The following MANSC1 variants were observed in gnomAD, a reference collection of about 807,000 sequenced individuals.
MANSC1 encodes MANSC domain containing 1, also known as MANSC domain-containing protein 1.
Under a neutral mutation model 14.1 loss-of-function variants are expected in MANSC1, and 13 were observed. The ratio of observed to expected loss-of-function variants is 0.92; its 90% confidence interval spans 0.60 to 1.46. The LOEUF is 1.46. Among genes scored for constraint, MANSC1 ranks in the 40% most tolerant of loss-of-function variants. MANSC1 has a pLI of 0.00. For synonymous variants in MANSC1, 227 were observed against 200.7 expected (o/e 1.13, Z -1.11); for missense variants, 486 against 511.4 (o/e 0.95, Z 0.48).
rs1470851621 is a variant in MANSC1 at position 12,330,001 on chromosome 12, GAATT to G, written c.*22_*25del. On this transcript the variant is annotated 3_prime_UTR_variant, in exon 4 of 4. Coordinates refer to ENST00000535902, the MANE Select transcript of MANSC1 (RefSeq NM_018050.4). ...GCATTTGGGCTTCTGGTTACTAAAT[GAATT>G]AAGAGACACCGAGTTCCATCCTTAG... 6.3e-7 allele frequency: 1 copy of G among 1,588,954 alleles called. No individual in the cohort carries two copies. Among genetic ancestry groups the G allele is most frequent in the East Asian group, 2.2e-5 (1 of 44,674 alleles).
At chr12:12,341,450 G>C (rs532278100) in intron 2 of MANSC1, among the ~76,000 whole-genome samples, 1 of 152,232 alleles carries the variant, frequency 6.6e-6, no homozygotes, top group East Asian at 1.9e-4. Context: ...GATTGATTAA[G>C]TCATGGGCCA....
intron 1 of MANSC1, among the ~76,000 whole-genome samples, chr12:12,349,281 C>G (rs1284230643): frequency 6.6e-6 from 1 of 152,162 alleles, no homozygotes; most frequent in East Asian, 1.9e-4. Context: ...TTGCAAGCCT[C>G]TAGGGAATCA....
intron 2 of MANSC1, among the ~76,000 whole-genome samples, chr12:12,340,945 T>G (rs995458673): frequency 7.2e-5 from 11 of 152,228 alleles, no homozygotes; most frequent in Middle Eastern, 3.4e-3. Context: ...ATCGAAGGGA[T>G]TTTTCCTCCT....
At position 12,338,893 on chromosome 12, in the gene MANSC1, A is replaced by ACACT. The variant is rs1393681527; in HGVS notation, c.224-334_224-333insAGTG. ...CATCCACAACCACACACACACAAAC[A>ACACT]CACACACACACACACACACACACAC... On this transcript the variant is annotated intron_variant, in intron 2 of 3. Transcript: ENST00000535902. 5.6e-3 allele frequency: 1,397 copies of ACACT among 248,156 alleles called. 21 individuals are homozygous for ACACT. Among genetic ancestry groups the ACACT allele is most frequent in the African/African-American group, 0.034 (1,288 of 37,872 alleles). The allele number at this position is 248,156 out of a possible 1,614,324, so 15.4% of individuals were successfully genotyped here.
At position 12,330,699 on chromosome 12, in the gene MANSC1, T is replaced by C. The variant is rs774996055; in HGVS notation, c.624A>G (p.Gln208=). Residue 208 remains glutamine, a synonymous_variant, in exon 4 of 4, where the codon CAA becomes CAG. Coordinates refer to ENST00000535902, the MANE Select transcript of MANSC1 (RefSeq NM_018050.4). ...YKEKGHSQSS[Q]FSSDQEIAHL... ...GAGCTATTTCTTGATCAGAGGAAAA[T>C]TGTGAACTCTGAGAATGGCCTTTTT... is the stretch of plus-strand genomic sequence containing the variant. 4.3e-6 allele frequency: 7 copies of C among 1,614,092 alleles called. No individual in the cohort carries two copies. The East Asian group carries it at 8.9e-5, about 21-fold the overall frequency.
intron 3 of MANSC1, among the ~76,000 whole-genome samples, chr12:12,337,018 C>T (rs1862866508): frequency 6.6e-6 from 1 of 152,068 alleles, no homozygotes. Flanking sequence ...CGCCTGTAAT[C>T]CCAGCACTTT....
chr12:12,348,503 C>T (rs748103077), intron 1 of MANSC1, among the ~76,000 whole-genome samples: 8 of 152,036 alleles, frequency 5.3e-5, no homozygotes, highest in South Asian at 2.1e-4. Flanking sequence ...CAAACTACAG[C>T]GGCAGTAAGA....
At chr12:12,335,854 A>AAAAAT (rs1862852460) in intron 3 of MANSC1, among the ~76,000 whole-genome samples, 1 of 147,988 alleles carries the variant, frequency 6.8e-6, no homozygotes, top group Non-Finnish European at 1.5e-5. Flanking sequence ...AAAAAAAAAT[A>AAAAAT]AAAATAAAAC....
intron 1 of MANSC1, among the ~76,000 whole-genome samples, chr12:12,349,788 T>A (rs1863054078): frequency 6.6e-6 from 1 of 152,232 alleles, no homozygotes; most frequent in Non-Finnish European, 1.5e-5. Context: ...TCTCTTCCTT[T>A]GAGGAAATGC....
At position 12,343,186 on chromosome 12, in the gene MANSC1, T is replaced by A; in HGVS notation, c.129A>T (p.Ser43=). 1.2e-6 allele frequency: 2 copies of A among 1,613,844 alleles called. No homozygotes were observed. Among genetic ancestry groups the A allele is most frequent in the Non-Finnish European group, 8.5e-7 (1 of 1,179,662 alleles). ...TGCCTCTGATTCCCTTAGAAAGAGA[T>A]GACTGGATGTCAATGACAACATCTT... ...SLEDVVIDIQ[S]SLSKGIRGNE... Residue 43 remains serine, a synonymous_variant, in exon 2 of 4, where the codon TCA becomes TCT. Transcript: ENST00000535902.
intron 1 of MANSC1, among the ~76,000 whole-genome samples, chr12:12,345,690 A>G (rs1863001215): frequency 6.6e-6 from 1 of 152,194 alleles, no homozygotes; most frequent in Non-Finnish European, 1.5e-5. Flanking sequence ...GTTGAATACA[A>G]ATTGTTTGCT....
rs767042744 is a variant in MANSC1, at chr12:12,330,400, T to G, written c.923A>C (p.Gln308Pro). 1 of 1,614,202 alleles carries G rather than the reference T, an allele frequency of 6.2e-7. No homozygotes were observed. The highest frequency in any genetic ancestry group is 1.1e-5 in the South Asian group (1 of 91,084). Reference protein sequence around the residue: ...ATTAVLTTTFQAPTDSKGSLE... With the variant: ...ATTAVLTTTFPAPTDSKGSLE... ...GCTGCCTTTCGAGTCCGTAGGTGCCTGAAAGGTGGTAGTCAGAACTGCTGT... is the reference window on the plus strand; with the variant it reads ...GCTGCCTTTCGAGTCCGTAGGTGCCGGAAAGGTGGTAGTCAGAACTGCTGT... Residue 308 changes from glutamine to proline, a missense_variant, in exon 4 of 4, where the codon CAG becomes CCG. Transcript: ENST00000535902.
intron 2 of MANSC1, among the ~76,000 whole-genome samples, chr12:12,339,416 G>C (rs1414478951): frequency 6.6e-6 from 1 of 152,072 alleles, no homozygotes; most frequent in Non-Finnish European, 1.5e-5. Flanking sequence ...ACAGATGCAA[G>C]CCACCACACT....
chr12:12,333,910 T>C (rs1410711687), intron 3 of MANSC1, among the ~76,000 whole-genome samples: 1 of 152,176 alleles, frequency 6.6e-6, no homozygotes, highest in Non-Finnish European at 1.5e-5. Flanking sequence ...CAGAATCCAC[T>C]GTCATCTTTC....
At chr12:12,331,808 A>C (rs1862794046) in intron 3 of MANSC1, among the ~76,000 whole-genome samples, 1 of 152,114 alleles carries the variant, frequency 6.6e-6, no homozygotes. Context: ...AAAACCAGAG[A>C]TATATCGTTC....
intron 2 of MANSC1, among the ~76,000 whole-genome samples, chr12:12,341,377 A>G (rs1252409337): frequency 6.6e-6 from 1 of 152,164 alleles, no homozygotes; most frequent in Non-Finnish European, 1.5e-5. Context: ...GGATGTGTTC[A>G]CCAACTTGGA....
rs111681997 is a variant in MANSC1 at position 12,342,415 on chromosome 12, G to T, written c.223+677C>A. 3.6e-3 allele frequency among the ~76,000 whole-genome samples: 550 copies of T among 152,242 alleles called. 4 individuals are homozygous for T. Among genetic ancestry groups the T allele is most frequent in the Middle Eastern group, 3.4e-3 (1 of 294 alleles). ...AAAAAAGGTTTTACTAAAATACACAGTATACTTCTCTTTTCAGTACAAATA... is the reference window on the plus strand; with the variant it reads ...AAAAAAGGTTTTACTAAAATACACATTATACTTCTCTTTTCAGTACAAATA... On this transcript the variant is annotated intron_variant, in intron 2 of 3. Transcript: ENST00000535902.
chr12:12,336,418 G>A (rs189632770), intron 3 of MANSC1, among the ~76,000 whole-genome samples: 1 of 152,272 alleles, frequency 6.6e-6, no homozygotes, highest in East Asian at 1.9e-4. Context: ...ATACCGTCCT[G>A]TCTCAATTCT....
rs528768319 is a variant in MANSC1, at chr12:12,332,768, C to G, written c.365-1810G>C. On this transcript the variant is annotated intron_variant, in intron 3 of 3. Transcript: ENST00000535902. ...ACTCCTGACCTCAGGTGATCCACCCCCTTCGGTCTCCCAAAGTGCTGGGAT... is the reference window on the plus strand; with the variant it reads ...ACTCCTGACCTCAGGTGATCCACCCGCTTCGGTCTCCCAAAGTGCTGGGAT... Among the ~76,000 whole-genome samples the G allele has an allele frequency of 8.5e-5, 13 of 152,238 alleles. No homozygotes were observed. The East Asian group carries it at 9.7e-4, about 11-fold the overall frequency.
Sources: allele counts gnomAD v4.1 joint callset (sites outside exome capture counted in the v4.1 genomes callset), GRCh38; gene constraint gnomAD v4.1.1; transcripts MANE v1.5; gene names NCBI Gene and HGNC (gene_info 2026-07-23, HGNC 2026-07-21).